Variants in DOT1L observed in about 807,000 individuals in gnomAD.
The protein encoded by DOT1L is DOT1 like histone lysine methyltransferase, also known as histone-lysine N-methyltransferase, H3 lysine-79 specific.
A neutral mutation model predicts 153.3 loss-of-function variants in DOT1L; 33 were observed. That is an observed-to-expected ratio of 0.22 (90% CI 0.16 to 0.29). The LOEUF (loss-of-function observed/expected upper bound fraction) is 0.29, where lower values mean the gene tolerates loss of function less well. DOT1L is among the 10% of genes least tolerant of loss of function. The pLI, the probability that DOT1L is intolerant of heterozygous loss-of-function variation, is 1.00. For missense variants in DOT1L, 1,847 were observed against 2,119.9 expected, an observed-to-expected ratio of 0.87 and a Z score of 2.53; for synonymous variants, 1,135 against 965.1, an observed-to-expected ratio of 1.18 and a Z score of -3.26.
chr19:2,226,592 C>T lies in DOT1L; in HGVS notation c.4071C>T (p.Arg1357=), dbSNP rs776955895. 1.6e-5 allele frequency: 25 copies of T among 1,599,120 alleles called. No homozygotes were observed. The South Asian group carries it at 2.1e-4, about 13-fold the overall frequency. ...LSSPLSFPSQ[R]GKEGSDANPF... is the part of the protein sequence containing the mutation. ...CCCCGCTGAGCTTCCCCTCGCAGCG[C>T]GGCAAGGAGGGCTCGGACGCCAACC... Residue 1357 remains arginine, a synonymous_variant, in exon 27 of 28, where the codon CGC becomes CGT. Coordinates refer to ENST00000398665, the MANE Select transcript of DOT1L (RefSeq NM_032482.3).
intron 2 of DOT1L, among the ~76,000 whole-genome samples, chr19:2,185,432 G>A (rs1000660278): frequency 3.9e-5 from 6 of 152,162 alleles, no homozygotes; most frequent in Admixed American, 2.6e-4. Context: ...TGAGTGGAGG[G>A]GTAAGGATGT....
rs148308930 is a variant in DOT1L at position 2,171,361 on chromosome 19, T to G, written c.81+7096T>G. 2.7e-4 allele frequency among the ~76,000 whole-genome samples: 41 copies of G among 152,310 alleles called. 1 individual carries two copies. The highest frequency in any genetic ancestry group is 9.9e-4 in the African/African-American group (41 of 41,572). On this transcript the variant is annotated intron_variant, in intron 1 of 27. Transcript: ENST00000398665. ...CCCGAATTGTACTGAGCCCTCTTCTTCCTGCCTGTAGGCTGAAAGAATGAA... is the reference window on the plus strand; with the variant it reads ...CCCGAATTGTACTGAGCCCTCTTCTGCCTGCCTGTAGGCTGAAAGAATGAA...
Position 2,207,798 on chromosome 19 carries a change from G to C in DOT1L, c.963+118G>C, listed in dbSNP as rs1599588317. On this transcript the variant is annotated intron_variant, in intron 11 of 27. Coordinates refer to ENST00000398665, the MANE Select transcript of DOT1L (RefSeq NM_032482.3). This position sits in a 1 kb window ranked among gnomAD's most constrained non-coding sequence, Gnocchi z 4.5. ...AGACCCTCCCCTCAGAGCCCTCAACGCCCCCCGGCCCCTGAGCTCAGGCCC... is the reference window on the plus strand; with the variant it reads ...AGACCCTCCCCTCAGAGCCCTCAACCCCCCCCGGCCCCTGAGCTCAGGCCC... 1.1e-6 allele frequency: 1 copy of C among 913,672 alleles called. No individual in the cohort carries two copies. Among genetic ancestry groups the C allele is most frequent in the East Asian group, 2.7e-5 (1 of 37,186 alleles). The allele number at this position is 913,672 out of a possible 1,614,324, so 56.6% of individuals were successfully genotyped here. A position where few individuals can be genotyped will look rare whatever the true frequency, so the allele number is the denominator to read the frequency against.
chr19:2,227,784 G>C (rs1319149110), intron 27 of DOT1L: 1 of 1,314,602 alleles, frequency 7.6e-7, no homozygotes, highest in Non-Finnish European at 1.0e-6. Context: ...TCCGTTTGGA[G>C]CCCGTGTCGG....
chr19:2,207,035 T>C lies in DOT1L; in HGVS notation c.856+238T>C, dbSNP rs1470347159. Reference sequence around the variant, plus strand: ...CGTCCCCATAGAGCACTGTGTGCCATGGGGGTAGAATCACTCCTCGGGGAG... The same window carrying C: ...CGTCCCCATAGAGCACTGTGTGCCACGGGGGTAGAATCACTCCTCGGGGAG... On this transcript the variant is annotated intron_variant, in intron 10 of 27. Coordinates refer to ENST00000398665, the MANE Select transcript of DOT1L (RefSeq NM_032482.3). This position sits in a 1 kb window ranked among gnomAD's most constrained non-coding sequence, Gnocchi z 4.5. 2.6e-4 allele frequency among the ~76,000 whole-genome samples: 40 copies of C among 152,112 alleles called. No individual in the cohort carries two copies. Among genetic ancestry groups the C allele is most frequent in the Non-Finnish European group, 1.5e-5 (1 of 67,994 alleles).
chr19:2,211,738 C>T lies in DOT1L; in HGVS notation c.1466-13C>T. The T allele has an allele frequency of 1.3e-6, 2 of 1,555,086 alleles. No individual in the cohort carries two copies. The highest frequency in any genetic ancestry group is 2.4e-5 in the East Asian group (1 of 41,694). Reference sequence around the variant, plus strand: ...CTGCTCTCTTCTCACCTGTGTTCCGCCTCTCTTCCCAGAGTCCTTCAAGAT... The same window carrying T: ...CTGCTCTCTTCTCACCTGTGTTCCGTCTCTCTTCCCAGAGTCCTTCAAGAT... On this transcript the variant is annotated splice_polypyrimidine_tract_variant and intron_variant, in intron 15 of 27. Transcript: ENST00000398665.
intron 1 of DOT1L, among the ~76,000 whole-genome samples, chr19:2,171,399 G>C (rs1271227992): frequency 6.6e-6 from 1 of 152,216 alleles, no homozygotes; most frequent in Non-Finnish European, 1.5e-5. Flanking sequence ...CCTGGCCCTG[G>C]AAGGTTCAAA....
intron 8 of DOT1L, among the ~76,000 whole-genome samples, chr19:2,200,144 T>C (rs2023190221): frequency 6.6e-6 from 1 of 152,080 alleles, no homozygotes; most frequent in Non-Finnish European, 1.5e-5. Context: ...GCAGAGCCCC[T>C]GTCGGCCCTG....
At chr19:2,219,477 G>C (rs565174493) in intron 22 of DOT1L, among the ~76,000 whole-genome samples, 1 of 152,350 alleles carries the variant, frequency 6.6e-6, no homozygotes, top group East Asian at 1.9e-4. Flanking sequence ...GGCATTCCCT[G>C]TGTGGATGGA....
chr19:2,164,776 G>A (rs1466209565), intron 1 of DOT1L, among the ~76,000 whole-genome samples: 1 of 152,142 alleles, frequency 6.6e-6, no homozygotes, highest in Non-Finnish European at 1.5e-5. Flanking sequence ...TTGAGTGGGC[G>A]GGAGCGGTCT....
chr19:2,219,743 C>T (rs1321404314), intron 22 of DOT1L, among the ~76,000 whole-genome samples: 1 of 152,208 alleles, frequency 6.6e-6, no homozygotes, highest in Non-Finnish European at 1.5e-5. Flanking sequence ...CTCCTCACCC[C>T]ACCCGACTGC....
Position 2,176,208 on chromosome 19 carries a change from C to G in DOT1L, c.82-4505C>G, listed in dbSNP as rs576108151. ...AAAACCTGGTGAAGTCTGCACAAAGCCCTGTCCCCCAGCCCTCGGTCCACA... is the reference window on the plus strand; with the variant it reads ...AAAACCTGGTGAAGTCTGCACAAAGGCCTGTCCCCCAGCCCTCGGTCCACA... On this transcript the variant is annotated intron_variant, in intron 1 of 27. Coordinates refer to ENST00000398665, the MANE Select transcript of DOT1L (RefSeq NM_032482.3). Among the ~76,000 whole-genome samples the G allele has an allele frequency of 2.0e-5, 3 of 152,238 alleles. No individual in the cohort carries two copies. In the East Asian group the frequency reaches 5.8e-4, roughly 29 times the overall value.
At chr19:2,200,832 C>T (rs1172541663) in intron 8 of DOT1L, among the ~76,000 whole-genome samples, 6 of 147,476 alleles carry the variant, frequency 4.1e-5, no homozygotes, top group Non-Finnish European at 7.5e-5. Context: ...TCGTCCTCCC[C>T]GCATTCCTCG....
chr19:2,220,279 G>T lies in DOT1L; in HGVS notation c.2806+57G>T. 6.5e-7 allele frequency: 1 copy of T among 1,539,394 alleles called. No individual in the cohort carries two copies. Among genetic ancestry groups the T allele is most frequent in the Non-Finnish European group, 8.8e-7 (1 of 1,131,886 alleles). ...CTCTGCTGCTGCTGCTGCTCTTCAG[G>T]CAGGAGGGCTGGGTTGCTGGGAGTG... On this transcript the variant is annotated intron_variant, in intron 23 of 27. Coordinates refer to ENST00000398665, the MANE Select transcript of DOT1L (RefSeq NM_032482.3). This position sits in a 1 kb window ranked among gnomAD's most constrained non-coding sequence, Gnocchi z 4.5.
chr19:2,186,754 A>G (rs902960340), intron 3 of DOT1L, among the ~76,000 whole-genome samples: 2 of 152,216 alleles, frequency 1.3e-5, no homozygotes, highest in East Asian at 1.9e-4. Flanking sequence ...CAGGCAGACA[A>G]GCGTGTTGCT....
At chr19:2,167,859 C>T (rs1010096646) in intron 1 of DOT1L, among the ~76,000 whole-genome samples, 1 of 152,008 alleles carries the variant, frequency 6.6e-6, no homozygotes, top group African/African-American at 2.4e-5. Flanking sequence ...CCTCAGCCTC[C>T]CCAGTAGCTG....
At chr19:2,227,946 G>A in intron 27 of DOT1L, 2 of 1,148,262 alleles carry the variant, frequency 1.7e-6, no homozygotes, top group South Asian at 1.5e-5. Context: ...GCCCCCGCCT[G>A]CGCACCTGGG....
At chr19:2,187,082 C>T (rs1023670130) in intron 3 of DOT1L, among the ~76,000 whole-genome samples, 1 of 152,208 alleles carries the variant, frequency 6.6e-6, no homozygotes, top group Non-Finnish European at 1.5e-5. Context: ...TCTCCAGTCC[C>T]CTCTTTCTAA....
At chr19:2,182,384 G>A (rs1192960386) in intron 2 of DOT1L, among the ~76,000 whole-genome samples, 1 of 151,954 alleles carries the variant, frequency 6.6e-6, no homozygotes, top group Non-Finnish European at 1.5e-5. Flanking sequence ...CTACAAAAAA[G>A]TAAAAAATTA....
Sources: gnomAD v4.1 joint callset for allele counts (sites outside exome capture counted in the v4.1 genomes callset) on GRCh38, gnomAD v4.1.1 for gene constraint, Gnocchi (gnomAD v3.1) non-coding constraint, MANE v1.5 for transcripts, NCBI Gene and HGNC (gene_info 2026-07-23, HGNC 2026-07-21) for gene names.